Variants in MICAL3 observed in about 807,000 individuals in gnomAD.
The protein encoded by MICAL3 is [F-actin]-monooxygenase MICAL3.
MICAL3 carries 62 observed loss-of-function variants against 207.4 expected under a neutral mutation model. The observed-to-expected ratio is 0.30, with a 90% CI of 0.24 to 0.37. The LOEUF is 0.37. MICAL3 is among the 10% of genes least tolerant of loss of function. The pLI is 1.00. For synonymous variants in MICAL3, 1,077 were observed against 1,069.3 expected (o/e 1.01, Z -0.14); for missense variants, 2,368 against 2,635.6 (o/e 0.90, Z 2.22).
At chr22:17,861,705 C>T (rs539458746) in intron 19 of MICAL3, 8 of 985,268 alleles carry the variant, frequency 8.1e-6, no homozygotes, top group African/African-American at 3.5e-5. Context: ...ACCACTAACA[C>T]GCAGTAGTAA....
intron 29 of MICAL3, among the ~76,000 whole-genome samples, chr22:17,795,049 G>C (rs2061860847): frequency 6.6e-6 from 1 of 152,214 alleles, no homozygotes; most frequent in South Asian, 2.1e-4. Flanking sequence ...GAATACAGGT[G>C]TTTTCTGTCT....
Position 17,818,840 on chromosome 22 carries a change from G to A in MICAL3, c.3821C>T (p.Ser1274Phe). Reference protein sequence around the residue: ...PQPSTEATVPSPTQSPIRFQP... With the variant: ...PQPSTEATVPFPTQSPIRFQP... ...GAAGCGTATGGGGGACTGGGTAGGG[G>A]ATGGGACAGTGGCCTCGGTGGAAGG... The change falls in exon 26 of 32, where the codon TCC (serine) becomes TTC (phenylalanine). Residue 1274 changes from serine (S) to phenylalanine (F), a missense_variant. Around this residue, in one of 4 missense-constraint regions of MICAL3, gnomAD observed 1,770 missense variants for 1,863.2 expected, o/e 0.95. Transcript: ENST00000441493. 1 of 1,549,200 alleles carries A rather than the reference G, an allele frequency of 6.5e-7. No individual in the cohort carries two copies. The highest frequency in any genetic ancestry group is 8.7e-7 in the Non-Finnish European group (1 of 1,143,944).
intron 17 of MICAL3, among the ~76,000 whole-genome samples, chr22:17,869,004 C>T (rs1927447879): frequency 2.0e-5 from 3 of 152,184 alleles, no homozygotes; most frequent in African/African-American, 7.2e-5. Flanking sequence ...CTGAGGAGCG[C>T]CACATGGAGA....
In MICAL3 at chr22:17,869,422, C is replaced by T. The variant is rs141187211; in HGVS notation, c.2428+2415G>A. ...CAGGCTCATCACTGACGAGGGCCAC[C>T]CTGCACACACCACCTGTGGAGGTAG... On this transcript the variant is annotated intron_variant, in intron 17 of 31. Coordinates refer to ENST00000441493, the MANE Select transcript of MICAL3 (RefSeq NM_015241.3). 2.4e-3 allele frequency among the ~76,000 whole-genome samples: 365 copies of T among 152,186 alleles called. 1 individual carries two copies. The highest frequency in any genetic ancestry group is 3.6e-3 in the Non-Finnish European group (243 of 68,008).
At chr22:17,840,281 AG>A (rs1923879122) in intron 20 of MICAL3, 9 of 151,310 alleles carry the variant, frequency 5.9e-5, no homozygotes. Context: ...TAGTAGAGAC[AG>A]GGTTTCATTA....
At chr22:17,966,902 A>C (rs1935168385) in intron 1 of MICAL3, among the ~76,000 whole-genome samples, 1 of 152,234 alleles carries the variant, frequency 6.6e-6, no homozygotes, top group African/African-American at 2.4e-5. Context: ...GAACTAGACA[A>C]AGGAAGAAAA....
chr22:17,935,401 T>C (rs905695248), intron 1 of MICAL3, among the ~76,000 whole-genome samples: 1 of 152,220 alleles, frequency 6.6e-6, no homozygotes, highest in Non-Finnish European at 1.5e-5. Flanking sequence ...ACTAGATCCC[T>C]TCCTTACACC....
chr22:17,906,996 A>G (rs556992582), intron 1 of MICAL3, 110 bp from the exon 2 acceptor site: 12 of 592,792 alleles, frequency 2.0e-5, no homozygotes, highest in South Asian at 1.1e-4. Context: ...TCATCCATCC[A>G]TAAGTGTGGA....
At chr22:17,952,245 A>G (rs959488049) in intron 1 of MICAL3, among the ~76,000 whole-genome samples, 2 of 152,154 alleles carry the variant, frequency 1.3e-5, no homozygotes, top group African/African-American at 2.4e-5. Context: ...ACAAGTAAGC[A>G]CTGTTCTAAG....
intron 19 of MICAL3, chr22:17,861,852 AC>A (rs1926548417): frequency 3.0e-6 from 3 of 985,502 alleles, no homozygotes; most frequent in Non-Finnish European, 3.6e-6. Context: ...AGATTTGGTT[AC>A]CAGAGAAAGA....
chr22:17,871,163 C>T (rs181043200), intron 17 of MICAL3, among the ~76,000 whole-genome samples: 90 of 152,286 alleles, frequency 5.9e-4, no homozygotes, highest in Admixed American at 4.3e-3. Context: ...CCTCAGATGG[C>T]GGCCAGCCTG....
At chr22:17,932,657 G>A (rs1037442387) in intron 1 of MICAL3, among the ~76,000 whole-genome samples, 1 of 152,122 alleles carries the variant, frequency 6.6e-6, no homozygotes, top group African/African-American at 2.4e-5. Flanking sequence ...TGGGCTAAAT[G>A]CTCCAATTAA....
chr22:17,859,749 T>C (rs910385764), intron 19 of MICAL3, among the ~76,000 whole-genome samples: 1 of 152,186 alleles, frequency 6.6e-6, no homozygotes, highest in Non-Finnish European at 1.5e-5. Flanking sequence ...CCTGCCACAG[T>C]TGGAGGGAGG....
At chr22:17,862,590 G>C (rs1220094732) in intron 19 of MICAL3, 2 of 985,236 alleles carry the variant, frequency 2.0e-6, no homozygotes, top group East Asian at 2.3e-4. Flanking sequence ...CTTTTCAAAA[G>C]GAAGTCTAGT....
chr22:17,827,470 C>A (rs1922324152), intron 22 of MICAL3, among the ~76,000 whole-genome samples, 174 bp downstream of exon 22: 1 of 152,220 alleles, frequency 6.6e-6, no homozygotes, highest in African/African-American at 2.4e-5. Context: ...CTTCACATAT[C>A]CTCAGATGAA....
chr22:17,984,476 C>G (rs1309348930), intron 1 of MICAL3, among the ~76,000 whole-genome samples: 1 of 152,238 alleles, frequency 6.6e-6, no homozygotes, highest in Non-Finnish European at 1.5e-5. Flanking sequence ...ACCCAGTGGC[C>G]TGTGCCACCC....
intron 1 of MICAL3, among the ~76,000 whole-genome samples, chr22:17,988,131 T>G (rs381125): frequency 0.23 from 35,405 of 152,036 alleles, 4,766 homozygotes; most frequent in East Asian, 0.51. Context: ...ATCCGATATC[T>G]CTTGGGTTTT....
chr22:17,849,182 C>CT (rs1924967612), intron 19 of MICAL3, among the ~76,000 whole-genome samples: 1 of 152,220 alleles, frequency 6.6e-6, no homozygotes, highest in African/African-American at 2.4e-5. Flanking sequence ...CAGGCAGGCT[C>CT]TACACACGGC....
intron 1 of MICAL3, among the ~76,000 whole-genome samples, chr22:17,994,131 C>T (rs1223401794): frequency 6.6e-6 from 1 of 152,202 alleles, no homozygotes; most frequent in East Asian, 1.9e-4. Flanking sequence ...TGCTCATCAG[C>T]GCCAGGTGCT....
Sources: allele counts gnomAD v4.1 joint callset (sites outside exome capture counted in the v4.1 genomes callset), GRCh38; gene constraint gnomAD v4.1.1; regional missense constraint gnomAD v4.1.1; transcripts MANE v1.5; gene names NCBI Gene and HGNC (gene_info 2026-07-23, HGNC 2026-07-21).